UBE2R2: variants seen among roughly 807,000 people sequenced by gnomAD.
UBE2R2 encodes ubiquitin conjugating enzyme E2 R2.
In UBE2R2, 1 loss-of-function variant was observed where a neutral mutation model predicts 27.8. That is an observed-to-expected ratio of 0.04 (90% CI 0.01 to 0.17). The LOEUF is 0.17. Ranked by LOEUF, UBE2R2 falls within the 10% of genes least tolerant of loss-of-function variation. UBE2R2 has a pLI of 1.00. For synonymous variants in UBE2R2, 106 were observed against 113.3 expected (o/e 0.94, Z 0.41); for missense variants, 100 against 291.0 (o/e 0.34, Z 4.78).
At chr9:33,886,484 G>C (rs551070028) in intron 1 of UBE2R2, among the ~76,000 whole-genome samples, 1 of 151,800 alleles carries the variant, frequency 6.6e-6, no homozygotes, top group Non-Finnish European at 1.5e-5. Context: ...GTGAAACCCC[G>C]TCTCTACTAA....
At chr9:33,916,313 C>G (rs1339050776) in intron 4 of UBE2R2, among the ~76,000 whole-genome samples, 1 of 152,146 alleles carries the variant, frequency 6.6e-6, no homozygotes, top group Non-Finnish European at 1.5e-5. Context: ...TGCACTCCAG[C>G]CTGGGTGACA....
chr9:33,891,742 G>C (rs1195106063), intron 2 of UBE2R2, among the ~76,000 whole-genome samples: 1 of 152,158 alleles, frequency 6.6e-6, no homozygotes, highest in East Asian at 1.9e-4. Flanking sequence ...CCCAAAAGTT[G>C]TAAATAACTG....
intron 1 of UBE2R2, among the ~76,000 whole-genome samples, chr9:33,852,188 A>G (rs376387340): frequency 6.6e-4 from 101 of 152,110 alleles, no homozygotes; most frequent in African/African-American, 2.3e-3. Context: ...GCATGTGCCT[A>G]TAGTCCCAGC....
chr9:33,891,196 C>G (rs1821978689), intron 2 of UBE2R2, among the ~76,000 whole-genome samples: 1 of 151,316 alleles, frequency 6.6e-6, no homozygotes, highest in Non-Finnish European at 1.5e-5. Context: ...ATTACAGGTG[C>G]CTGCCCGGCT....
intron 1 of UBE2R2, among the ~76,000 whole-genome samples, chr9:33,818,378 T>TGGGGG (rs1395339283): frequency 9.3e-4 from 3 of 3,220 alleles, no homozygotes; most frequent in African/African-American, 3.5e-3. Flanking sequence ...GGGGTGGGGG[T>TGGGGG]GGGGGTGGGG....
chr9:33,898,566 C>G (rs1165341741), intron 2 of UBE2R2, among the ~76,000 whole-genome samples: 1 of 151,980 alleles, frequency 6.6e-6, no homozygotes, highest in Non-Finnish European at 1.5e-5. Context: ...GATTTTTGCA[C>G]TTTATATAGT....
chr9:33,849,617 T>C (rs1820920018), intron 1 of UBE2R2, among the ~76,000 whole-genome samples: 1 of 151,260 alleles, frequency 6.6e-6, no homozygotes, highest in African/African-American at 2.4e-5. Flanking sequence ...TTTGGGAGGC[T>C]GAGGCAGGCA....
intron 4 of UBE2R2, 128 bp from the exon 5 acceptor site, chr9:33,916,890 A>C (rs1048916388): frequency 1.4e-6 from 2 of 1,400,626 alleles, no homozygotes; most frequent in Non-Finnish European, 1.9e-6. Flanking sequence ...TATCTGTCAG[A>C]TGCTTTCAGG....
intron 3 of UBE2R2, among the ~76,000 whole-genome samples, chr9:33,906,369 AC>A (rs1280180902): frequency 6.6e-6 from 1 of 152,074 alleles, no homozygotes; most frequent in African/African-American, 2.4e-5. Flanking sequence ...TGATCCGCCC[AC>A]CTCGGCCTCC....
intron 1 of UBE2R2, among the ~76,000 whole-genome samples, chr9:33,826,880 C>G (rs1820326251): frequency 6.6e-6 from 1 of 152,106 alleles, no homozygotes; most frequent in Non-Finnish European, 1.5e-5. Flanking sequence ...CTCGGAAGTT[C>G]GAGACCAGCC....
rs531625301 is a variant in UBE2R2, at chr9:33,910,712, C to T, written c.363-1252C>T. Among the ~76,000 whole-genome samples the T allele has an allele frequency of 2.6e-5, 4 of 152,300 alleles. No individual in the cohort carries two copies. The South Asian group carries it at 8.3e-4, about 32-fold the overall frequency. On this transcript the variant is annotated intron_variant, in intron 3 of 4. Transcript: ENST00000263228. ...CTTCTGTTTGAAGGATTTTGCTTTT[C>T]CTCCATTCTCCTGCATTACTCTGTC...
intron 1 of UBE2R2, among the ~76,000 whole-genome samples, chr9:33,828,175 G>A (rs1386572245): frequency 4.6e-5 from 7 of 150,744 alleles, no homozygotes; most frequent in South Asian, 2.1e-4. Context: ...GGTAGCACGC[G>A]CCTATAATCC....
At chr9:33,861,120 G>C (rs1195507366) in intron 1 of UBE2R2, among the ~76,000 whole-genome samples, 2 of 151,156 alleles carry the variant, frequency 1.3e-5, no homozygotes, top group South Asian at 4.2e-4. Flanking sequence ...CACCACGCCC[G>C]GCCAATTTTT....
chr9:33,911,434 A>AAAAAAAC (rs1822488108), intron 3 of UBE2R2, among the ~76,000 whole-genome samples: 1 of 142,174 alleles, frequency 7.0e-6, no homozygotes, highest in Non-Finnish European at 1.5e-5. Flanking sequence ...AAAAAAAAAA[A>AAAAAAAC]ACCTGGTTAT....
intron 1 of UBE2R2, among the ~76,000 whole-genome samples, chr9:33,884,435 A>G (rs1821811302): frequency 6.6e-6 from 1 of 150,762 alleles, no homozygotes; most frequent in Non-Finnish European, 1.5e-5. Flanking sequence ...AGACACCACC[A>G]TACCCGACTG....
rs368769991 is a variant in UBE2R2, at chr9:33,861,917, G to A, written c.178-24964G>A. 1.1e-3 allele frequency among the ~76,000 whole-genome samples: 161 copies of A among 142,822 alleles called. 1 individual carries two copies. Among genetic ancestry groups the A allele is most frequent in the African/African-American group, 4.0e-3 (156 of 38,698 alleles). 93.7% of individuals were successfully genotyped at this position (142,822 alleles called of 152,430 possible). A position where few individuals can be genotyped will look rare whatever the true frequency, so the allele number is the denominator to read the frequency against. ...CGCCCGGGCTGGAGTGCAGTGGCAC[G>A]ATCTTGGCTCAGTGCAACCTCTGCC... is the stretch of plus-strand genomic sequence containing the variant. On this transcript the variant is annotated intron_variant, in intron 1 of 4. Coordinates refer to ENST00000263228, the MANE Select transcript of UBE2R2 (RefSeq NM_017811.4).
chr9:33,835,106 G>A (rs1165397290), intron 1 of UBE2R2, among the ~76,000 whole-genome samples: 1 of 148,036 alleles, frequency 6.8e-6, no homozygotes, highest in African/African-American at 2.5e-5. Flanking sequence ...ATATGTTTTA[G>A]CTATCTTTTC....
intron 1 of UBE2R2, among the ~76,000 whole-genome samples, chr9:33,834,945 G>A (rs1042168923): frequency 6.7e-6 from 1 of 148,194 alleles, no homozygotes; most frequent in African/African-American, 2.5e-5. Context: ...GAAAAGAAAA[G>A]AAAATATTGA....
At chr9:33,916,929 A>T (rs1447478730) in intron 4 of UBE2R2, 89 bp from the exon 5 acceptor site, 5 of 1,524,982 alleles carry the variant, frequency 3.3e-6, no homozygotes, top group Non-Finnish European at 4.4e-6. Context: ...GAGCTGAGTC[A>T]TAAGTAATAT....
Sources: gnomAD v4.1 joint callset for allele counts (sites outside exome capture counted in the v4.1 genomes callset) on GRCh38, gnomAD v4.1.1 for gene constraint, MANE v1.5 for transcripts, NCBI Gene and HGNC (gene_info 2026-07-23, HGNC 2026-07-21) for gene names.